Variants in KCND3 observed in about 807,000 individuals in gnomAD.
KCND3 encodes potassium voltage-gated channel subfamily D member 3.
A neutral mutation model predicts 51.1 loss-of-function variants in KCND3; 9 were observed. The observed-to-expected ratio is 0.18, with a 90% CI of 0.11 to 0.31. The LOEUF is 0.31. Among genes scored for constraint, KCND3 ranks in the 10% least tolerant of loss-of-function variants. The probability of loss-of-function intolerance (pLI) is 1.00; values close to 1 mark genes in which losing one functional copy is unlikely to be tolerated. For synonymous variants in KCND3, 349 were observed against 368.0 expected (o/e 0.95, Z 0.59); for missense variants, 526 against 903.8 (o/e 0.58, Z 5.36).
At position 111,844,567 on chromosome 1, in the gene KCND3, T is replaced by C. The variant is rs116469758; in HGVS notation, c.1107-57461A>G. Among the ~76,000 whole-genome samples, 1,155 of 152,260 alleles carry C rather than the reference T, an allele frequency of 7.6e-3. 18 individuals carry two copies. Among genetic ancestry groups the C allele is most frequent in the African/African-American group, 0.026 (1,098 of 41,556 alleles). ...TGTCTGCCCAGGTCCCTGACTATCC[T>C]CTGGAAACACTTTCTTCATTCTCCA... On this transcript the variant is annotated intron_variant, in intron 2 of 7. Coordinates refer to ENST00000302127, the MANE Select transcript of KCND3 (RefSeq NM_001378969.1).
intron 2 of KCND3, among the ~76,000 whole-genome samples, chr1:111,912,278 T>C (rs1482113164): frequency 6.6e-6 from 1 of 152,200 alleles, no homozygotes; most frequent in Non-Finnish European, 1.5e-5. Flanking sequence ...GATGAAAAAT[T>C]CCTATCACCT....
chr1:111,795,239 CCTT>C (rs1449032828), intron 2 of KCND3, among the ~76,000 whole-genome samples: 8 of 152,204 alleles, frequency 5.3e-5, no homozygotes. Context: ...TGGGCACTCT[CCTT>C]GGCTCACCTG....
intron 2 of KCND3, among the ~76,000 whole-genome samples, chr1:111,936,002 C>A (rs895417642): frequency 1.3e-5 from 2 of 152,206 alleles, no homozygotes; most frequent in East Asian, 3.8e-4. Context: ...ATAGCACAAA[C>A]CTGCTCTGTA....
At chr1:111,893,616 G>C (rs1669955610) in intron 2 of KCND3, among the ~76,000 whole-genome samples, 1 of 152,162 alleles carries the variant, frequency 6.6e-6, no homozygotes, top group Admixed American at 6.5e-5. Context: ...CCCCTATGCG[G>C]TGCTTCACCC....
chr1:111,789,705 G>A (rs1430598298), intron 2 of KCND3, among the ~76,000 whole-genome samples: 1 of 152,200 alleles, frequency 6.6e-6, no homozygotes, highest in Admixed American at 6.5e-5. Flanking sequence ...TAGACAGCTT[G>A]TGAATACTTG....
chr1:111,780,781 A>G lies in KCND3; in HGVS notation c.1280T>C (p.Leu427Pro). Residue 427 changes from leucine to proline, a missense_variant, in exon 4 of 8, where the codon CTT becomes CCT. By Grantham distance (98) the Leu-to-Pro change is moderately conservative. Transcript: ENST00000302127. This position sits in a 1 kb window ranked among gnomAD's most constrained non-coding sequence, Gnocchi z 4.2. ...DKRRAQKKAR[L>P]ARIRVAKTGS... ...TGTTTTGGCCACACGGATCCTGGCA[A>G]GGCGGGCCTTCTGTGATTGGCAGAG... 6.2e-7 allele frequency: 1 copy of G among 1,613,156 alleles called. No individual in the cohort carries two copies. Among genetic ancestry groups the G allele is most frequent in the Non-Finnish European group, 8.5e-7 (1 of 1,179,696 alleles).
Position 111,982,234 on chromosome 1 carries a change from A to G in KCND3, c.493T>C (p.Phe165Leu). 1.2e-6 allele frequency: 2 copies of G among 1,614,050 alleles called. No individual in the cohort carries two copies. Among genetic ancestry groups the G allele is most frequent in the Non-Finnish European group, 1.7e-6 (2 of 1,180,008 alleles). The change falls in exon 2 of 8, where the codon TTC (phenylalanine) becomes CTC (leucine). Residue 165 changes from phenylalanine (F) to leucine (L), a missense_variant. Phe to Leu is a conservative substitution (Grantham distance 22). Coordinates refer to ENST00000302127, the MANE Select transcript of KCND3 (RefSeq NM_001378969.1). This position sits in a 1 kb window ranked among gnomAD's most constrained non-coding sequence, Gnocchi z 8.5. ...NNQESMPSLSFRQTMWRAFEN... is the reference protein window; with the variant it reads ...NNQESMPSLSLRQTMWRAFEN... ...AAGGCCCGCCACATGGTCTGGCGGA[A>G]GCTGAGCGAGGGCATGGACTCCTGG...
At chr1:111,863,844 T>C (rs1668439200) in intron 2 of KCND3, among the ~76,000 whole-genome samples, 1 of 152,024 alleles carries the variant, frequency 6.6e-6, no homozygotes, top group Non-Finnish European at 1.5e-5. Flanking sequence ...AACTGAGTAA[T>C]CCAGGGGAGA....
intron 2 of KCND3, among the ~76,000 whole-genome samples, chr1:111,964,514 G>A (rs529270415): frequency 1.3e-4 from 20 of 152,208 alleles, no homozygotes; most frequent in African/African-American, 4.8e-4. Context: ...AAGCAGCCTA[G>A]CCAGCCCCAG....
At chr1:111,832,516 T>C (rs1379684555) in intron 2 of KCND3, among the ~76,000 whole-genome samples, 1 of 152,170 alleles carries the variant, frequency 6.6e-6, no homozygotes, top group African/African-American at 2.4e-5. Flanking sequence ...TTCCTTTTTT[T>C]CTGAAAACAT....
At chr1:111,880,667 A>G (rs1292357538) in intron 2 of KCND3, among the ~76,000 whole-genome samples, 2 of 152,200 alleles carry the variant, frequency 1.3e-5, no homozygotes, top group Non-Finnish European at 2.9e-5. Flanking sequence ...CCAGAGAGAA[A>G]TCAACTTATG....
rs1196583667 is a variant in KCND3, at chr1:111,989,634, C to A, written c.-202G>T. 3 of 148,420 alleles carry A rather than the reference C, an allele frequency of 2.0e-5. No individual in the cohort carries two copies. Among genetic ancestry groups the A allele is most frequent in the Admixed American group, 6.7e-5 (1 of 14,866 alleles). The allele number at this position is 148,420 out of a possible 1,614,324, so 9.2% of individuals were successfully genotyped here. On this transcript the variant is annotated 5_prime_UTR_variant, in exon 1 of 8. Coordinates refer to ENST00000302127, the MANE Select transcript of KCND3 (RefSeq NM_001378969.1). Reference sequence around the variant, plus strand: ...GGAAGCGCCCAGCAGCCGCCGCTCGCGCGGCTCCTCCTCGCCAGCGCAGTC... The same window carrying A: ...GGAAGCGCCCAGCAGCCGCCGCTCGAGCGGCTCCTCCTCGCCAGCGCAGTC...
In KCND3 at chr1:111,981,544, A is replaced by G. The variant is rs1674948211; in HGVS notation, c.1106+77T>C. The stretch of plus-strand genomic sequence containing the variant: ...ACTCCCTCCTCCTCTACCCATGGTG[A>G]CACCATCCAAGGTTTCAGAGGTCAT... On this transcript the variant is annotated intron_variant, in intron 2 of 7. Coordinates refer to ENST00000302127, the MANE Select transcript of KCND3 (RefSeq NM_001378969.1). This position sits in a 1 kb window ranked among gnomAD's most constrained non-coding sequence, Gnocchi z 6.2. 1.9e-6 allele frequency: 3 copies of G among 1,602,336 alleles called. No homozygotes were observed. In the East Asian group the frequency reaches 6.7e-5, roughly 36 times the overall value.
chr1:111,916,214 T>C (rs1671211013), intron 2 of KCND3, among the ~76,000 whole-genome samples: 1 of 152,194 alleles, frequency 6.6e-6, no homozygotes. Flanking sequence ...AATGAAATCA[T>C]ATAGCCTTTA....
chr1:111,834,017 T>G (rs1333175491), intron 2 of KCND3, among the ~76,000 whole-genome samples: 1 of 152,178 alleles, frequency 6.6e-6, no homozygotes, highest in East Asian at 1.9e-4. Context: ...TGAAAATCCT[T>G]GATAAGCTGG....
chr1:111,948,713 G>C (rs1469598105), intron 2 of KCND3, among the ~76,000 whole-genome samples: 1 of 152,106 alleles, frequency 6.6e-6, no homozygotes, highest in East Asian at 1.9e-4. Flanking sequence ...GCCCAGTCTA[G>C]CCCTCCTCAC....
chr1:111,944,960 A>G (rs1672709020), intron 2 of KCND3, among the ~76,000 whole-genome samples: 1 of 152,136 alleles, frequency 6.6e-6, no homozygotes, highest in Non-Finnish European at 1.5e-5. Flanking sequence ...TCACTCAACC[A>G]TGAGCCCCAT....
Position 111,775,828 on chromosome 1 carries a change from CCCTCCCT to C in KCND3, c.*242_*248del. ...CCCCGGCCTATCCCCGACCCCCCCACCCTCCCTCCCTTCCTCTGGCCCCAGTGAGATG... is the reference window on the plus strand; with the variant it reads ...CCCCGGCCTATCCCCGACCCCCCCACCCCTTCCTCTGGCCCCAGTGAGATG... On this transcript the variant is annotated 3_prime_UTR_variant, in exon 8 of 8. Transcript: ENST00000302127. The C allele has an allele frequency of 6.9e-6, 1 of 145,346 alleles. No homozygotes were observed. The highest frequency in any genetic ancestry group is 1.5e-5 in the Non-Finnish European group (1 of 67,504). 9.0% of individuals were successfully genotyped at this position (145,346 alleles called of 1,614,324 possible). A position where few individuals can be genotyped will look rare whatever the true frequency, so the allele number is the denominator to read the frequency against.
At chr1:111,799,952 G>A (rs886152533) in intron 2 of KCND3, among the ~76,000 whole-genome samples, 1 of 152,222 alleles carries the variant, frequency 6.6e-6, no homozygotes, top group South Asian at 2.1e-4. Context: ...CAGCCGCCCC[G>A]TCCGGGAGGT....
Sources: gnomAD v4.1 joint callset for allele counts (sites outside exome capture counted in the v4.1 genomes callset) on GRCh38, gnomAD v4.1.1 for gene constraint, Gnocchi (gnomAD v3.1) non-coding constraint, MANE v1.5 for transcripts, NCBI Gene and HGNC (gene_info 2026-07-23, HGNC 2026-07-21) for gene names.